The following CTDSPL variants were observed in gnomAD, a reference collection of about 807,000 sequenced individuals.
CTDSPL encodes the protein CTD small phosphatase like.
Under a neutral mutation model 30.5 loss-of-function variants are expected in CTDSPL, and 8 were observed. That is an observed-to-expected ratio of 0.26 (90% CI 0.15 to 0.47). The LOEUF (loss-of-function observed/expected upper bound fraction) is 0.47. CTDSPL is among the 20% of genes least tolerant of loss of function. The pLI, the probability that CTDSPL is intolerant of heterozygous loss-of-function variation, is 0.99. For missense variants in CTDSPL, 248 were observed against 366.1 expected (o/e 0.68, Z 2.63); for synonymous variants, 110 against 137.9 (o/e 0.80, Z 1.42).
At chr3:37,864,617 A>C (rs1189378564) in intron 1 of CTDSPL, among the ~76,000 whole-genome samples, 1 of 152,128 alleles carries the variant, frequency 6.6e-6, no homozygotes, top group Non-Finnish European at 1.5e-5. Context: ...TAAACTCTAG[A>C]GTCAAATGTT....
intron 4 of CTDSPL, 115 bp from the exon 5 acceptor site, chr3:37,967,711 G>C (rs1699314219): frequency 1.5e-6 from 1 of 674,732 alleles, no homozygotes; most frequent in Admixed American, 3.4e-5. Flanking sequence ...TCCTCCTCCT[G>C]AACTGTTTTT....
intron 1 of CTDSPL, among the ~76,000 whole-genome samples, chr3:37,929,966 G>C (rs547299163): frequency 1.3e-5 from 2 of 152,110 alleles, no homozygotes; most frequent in African/African-American, 2.4e-5. Context: ...AAATTAGCTG[G>C]GCATGGTGGT....
At chr3:37,871,916 G>A (rs1698075705) in intron 1 of CTDSPL, among the ~76,000 whole-genome samples, 2 of 152,060 alleles carry the variant, frequency 1.3e-5, no homozygotes, top group Non-Finnish European at 2.9e-5. Context: ...CACATCCACT[G>A]AGATTTTTAT....
At chr3:37,880,439 C>T (rs1698190607) in intron 1 of CTDSPL, among the ~76,000 whole-genome samples, 1 of 152,170 alleles carries the variant, frequency 6.6e-6, no homozygotes, top group African/African-American at 2.4e-5. Context: ...GCCACTTTTG[C>T]CTCTGTCATG....
chr3:37,957,219 A>G, intron 3 of CTDSPL, 76 bp downstream of exon 3: 1 of 979,388 alleles, frequency 1.0e-6, no homozygotes, highest in Non-Finnish European at 1.5e-6. Flanking sequence ...TATATAAAGG[A>G]TTTTTTTTAA....
intron 1 of CTDSPL, among the ~76,000 whole-genome samples, chr3:37,886,774 A>G (rs1698267977): frequency 6.6e-6 from 1 of 152,212 alleles, no homozygotes; most frequent in South Asian, 2.1e-4. Context: ...AGTGGTTATC[A>G]ATATTTAGAA....
At chr3:37,973,997 T>C (rs1265851365) in intron 6 of CTDSPL, among the ~76,000 whole-genome samples, 1 of 152,256 alleles carries the variant, frequency 6.6e-6, no homozygotes, top group East Asian at 1.9e-4. Context: ...CCAGGACAGC[T>C]TTAGACGTGG....
chr3:37,864,498 G>T (rs1355214315), intron 1 of CTDSPL, among the ~76,000 whole-genome samples: 1 of 152,134 alleles, frequency 6.6e-6, no homozygotes, highest in African/African-American at 2.4e-5. Context: ...CAGCCCTGGG[G>T]TGGGGTGGTT....
At chr3:37,902,168 C>T (rs1163894404) in intron 1 of CTDSPL, among the ~76,000 whole-genome samples, 1 of 152,208 alleles carries the variant, frequency 6.6e-6, no homozygotes, top group Non-Finnish European at 1.5e-5. Context: ...TTTAGGTGGG[C>T]ACATTGCCAT....
chr3:37,874,563 C>T (rs1023292927), intron 1 of CTDSPL, among the ~76,000 whole-genome samples: 1 of 152,128 alleles, frequency 6.6e-6, no homozygotes, highest in Non-Finnish European at 1.5e-5. Context: ...AACCCCGTCT[C>T]TACTAAAAAT....
At chr3:37,891,882 GTACA>G (rs1372872519) in intron 1 of CTDSPL, among the ~76,000 whole-genome samples, 1 of 151,592 alleles carries the variant, frequency 6.6e-6, no homozygotes, top group Non-Finnish European at 1.5e-5. Flanking sequence ...ATATGTGTGT[GTACA>G]TACATGTACA....
chr3:37,868,467 A>T (rs2125587229), intron 1 of CTDSPL, among the ~76,000 whole-genome samples: 1 of 152,114 alleles, frequency 6.6e-6, no homozygotes, highest in Admixed American at 6.5e-5. Context: ...TTTGGTGTCA[A>T]ATCTAAGAAC....
At chr3:37,967,044 G>A (rs1699306546) in intron 4 of CTDSPL, among the ~76,000 whole-genome samples, 1 of 152,260 alleles carries the variant, frequency 6.6e-6, no homozygotes, top group African/African-American at 2.4e-5. Context: ...CATTAATATT[G>A]TCAAAGAGTT....
In CTDSPL at chr3:37,862,263, G is replaced by C. The variant is rs1379825898; in HGVS notation, c.64G>C (p.Gly22Arg). The C allele has an allele frequency of 1.1e-5, 17 of 1,495,988 alleles. No homozygotes were observed. The Admixed American group carries it at 3.7e-4, about 33-fold the overall frequency. The allele number at this position is 1,495,988 out of a possible 1,614,324, so 92.7% of individuals were successfully genotyped here. ...NPKEDEGRLPGAGEKASQCNV... is the reference protein window; with the variant it reads ...NPKEDEGRLPRAGEKASQCNV... ...CAAGGAGGACGAGGGCCGGTTGCCG[G>C]GCGCGGGCGAGAAAGGTGAGGAGGG... The change falls in exon 1 of 8, where the codon GGC becomes CGC. Residue 22 changes from glycine (G) to arginine (R), a missense_variant. Around this residue, in one of 4 missense-constraint regions of CTDSPL, gnomAD observed 118 missense variants for 124.7 expected, o/e 0.95. Coordinates refer to ENST00000273179, the MANE Select transcript of CTDSPL (RefSeq NM_001008392.2). The surrounding 1 kb of genome is among the most constrained non-coding windows in gnomAD (Gnocchi z 4.3).
chr3:37,915,869 T>G (rs752956618), intron 1 of CTDSPL, among the ~76,000 whole-genome samples: 57 of 152,232 alleles, frequency 3.7e-4, no homozygotes, highest in Non-Finnish European at 3.8e-4. Context: ...TGAAAACTTC[T>G]AGAAATAATC....
rs554017211 is a variant in CTDSPL at position 37,909,719 on chromosome 3, T to C, written c.80-37338T>C. On this transcript the variant is annotated intron_variant, in intron 1 of 7. Transcript: ENST00000273179. ...GAAGAAATTCTGGCCCTTTCCACCA[T>C]GGACTCTGTGATCACGAGGCTGTGT... Among the ~76,000 whole-genome samples, 6 of 152,350 alleles carry C rather than the reference T, an allele frequency of 3.9e-5. No homozygotes were observed. In the East Asian group the frequency reaches 1.2e-3, roughly 29 times the overall value.
At position 37,983,745 on chromosome 3, in the gene CTDSPL, C is replaced by T. The variant is rs1454192496; in HGVS notation, c.*2878C>T. 1 of 158,886 alleles carries T rather than the reference C, an allele frequency of 6.3e-6. No individual in the cohort carries two copies. The highest frequency in any genetic ancestry group is 1.4e-5 in the Non-Finnish European group (1 of 71,426). The allele number at this position is 158,886 out of a possible 1,614,324, so 9.8% of individuals were successfully genotyped here. A position where few individuals can be genotyped will look rare whatever the true frequency, so the allele number is the denominator to read the frequency against. On this transcript the variant is annotated 3_prime_UTR_variant, in exon 8 of 8. Transcript: ENST00000273179. ...CCCAATGTTGTTAATGCTCTGTCTT[C>T]CATTTGTTCTGGAATCCTACGTGTT... is the stretch of plus-strand genomic sequence containing the variant.
chr3:37,956,565 A>G (rs916245123), intron 2 of CTDSPL, among the ~76,000 whole-genome samples: 1 of 152,118 alleles, frequency 6.6e-6, no homozygotes, highest in Non-Finnish European at 1.5e-5. Flanking sequence ...TGTTTCCCTT[A>G]AAGGAAAGCT....
chr3:37,878,129 T>G (rs1243118150), intron 1 of CTDSPL, among the ~76,000 whole-genome samples: 1 of 152,252 alleles, frequency 6.6e-6, no homozygotes, highest in Non-Finnish European at 1.5e-5. Context: ...TTGTTTTTTA[T>G]AGTAGCCATT....
Sources: allele counts gnomAD v4.1 joint callset (sites outside exome capture counted in the v4.1 genomes callset), GRCh38; gene constraint gnomAD v4.1.1; regional missense constraint gnomAD v4.1.1; non-coding constraint Gnocchi (gnomAD v3.1); transcripts MANE v1.5; gene names NCBI Gene and HGNC (gene_info 2026-07-23, HGNC 2026-07-21).